DCT: variants seen among roughly 807,000 people sequenced by gnomAD.
DCT encodes the protein L-dopachrome tautomerase.
DCT carries 47 observed loss-of-function variants against 53.0 expected under a neutral mutation model. The ratio of observed to expected loss-of-function variants is 0.89; its 90% CI spans 0.70 to 1.13. The LOEUF (loss-of-function observed/expected upper bound fraction) is 1.13, where lower values mean the gene tolerates loss of function less well. Ranked by LOEUF, DCT falls within the 50% of genes most tolerant of loss-of-function variation. The pLI is 0.00. For missense variants in DCT, 669 were observed against 637.4 expected (o/e 1.05, Z -0.53); for synonymous variants, 244 against 237.0 (o/e 1.03, Z -0.27).
chr13:94,438,005 G>A lies in DCT; in HGVS notation c.*1893C>T, dbSNP rs114362159. On this transcript the variant is annotated 3_prime_UTR_variant, in exon 8 of 8. Coordinates refer to ENST00000377028, the MANE Select transcript of DCT (RefSeq NM_001922.5). Reference sequence around the variant, plus strand: ...ATACCTGACAGATAAGCTAGAGGTGGTTATTTGCTTTATGAAATTATTCGT... The same window carrying A: ...ATACCTGACAGATAAGCTAGAGGTGATTATTTGCTTTATGAAATTATTCGT... 72 of 152,266 alleles carry A rather than the reference G, an allele frequency of 4.7e-4. No homozygotes were observed. The highest frequency in any genetic ancestry group is 1.7e-3 in the African/African-American group (70 of 41,554). 9.4% of individuals were successfully genotyped at this position (152,266 alleles called of 1,614,324 possible). A position where few individuals can be genotyped will look rare whatever the true frequency, so the allele number is the denominator to read the frequency against.
the DCT span, among the ~76,000 whole-genome samples, chr13:94,516,947 C>T: frequency 1.3e-5 from 2 of 152,158 alleles, no homozygotes; most frequent in East Asian, 3.9e-4. Context: ...AAGTAATTTA[C>T]AAGATTATTC....
chr13:94,474,366 A>T (rs1196386852), intron 1 of DCT, among the ~76,000 whole-genome samples: 3 of 152,228 alleles, frequency 2.0e-5, no homozygotes, highest in African/African-American at 7.2e-5. Context: ...CGATTAGTGA[A>T]TTTACAAGGA....
At chr13:94,464,087 G>A (rs950558807) in intron 4 of DCT, among the ~76,000 whole-genome samples, 2 of 152,168 alleles carry the variant, frequency 1.3e-5, no homozygotes, top group Non-Finnish European at 1.5e-5. Flanking sequence ...GGGAAATGGC[G>A]CTTGATGGAA....
chr13:94,478,783 G>A (rs548279686), intron 1 of DCT, among the ~76,000 whole-genome samples, 178 bp downstream of exon 1: 1 of 152,224 alleles, frequency 6.6e-6, no homozygotes, highest in Admixed American at 6.5e-5. Flanking sequence ...TGTACTAGAG[G>A]GTGTGAAGAA....
chr13:94,520,529 G>A, the DCT span, among the ~76,000 whole-genome samples: 1 of 152,198 alleles, frequency 6.6e-6, no homozygotes, highest in African/African-American at 2.4e-5. Context: ...CAGATCAGTT[G>A]TGGCTTTTGT....
chr13:94,494,452 C>A, the DCT span, among the ~76,000 whole-genome samples: 1 of 152,104 alleles, frequency 6.6e-6, no homozygotes, highest in Non-Finnish European at 1.5e-5. Flanking sequence ...AGGCAGGGAA[C>A]GCCTAATTGG....
intron 1 of DCT, among the ~76,000 whole-genome samples, chr13:94,470,501 G>A (rs970743179): frequency 6.6e-6 from 1 of 152,126 alleles, no homozygotes; most frequent in African/African-American, 2.4e-5. Flanking sequence ...AGGTTAGAGG[G>A]TAAAATTTAA....
chr13:94,473,842 A>G (rs1884907698), intron 1 of DCT, among the ~76,000 whole-genome samples: 1 of 152,220 alleles, frequency 6.6e-6, no homozygotes, highest in South Asian at 2.1e-4. Flanking sequence ...TCAATTAAAA[A>G]ATTCCTTTTC....
At chr13:94,536,427 T>G in the DCT span, among the ~76,000 whole-genome samples, 1 of 152,186 alleles carries the variant, frequency 6.6e-6, no homozygotes, top group Non-Finnish European at 1.5e-5. Context: ...CATGTTTAAA[T>G]GTGATCCCCA....
chr13:94,476,537 G>A lies in DCT; in HGVS notation c.295+2424C>T, dbSNP rs531955659. 2.1e-4 allele frequency among the ~76,000 whole-genome samples: 31 copies of A among 147,138 alleles called. No homozygotes were observed. In the East Asian group the frequency reaches 4.2e-3, roughly 20 times the overall value. On this transcript the variant is annotated intron_variant, in intron 1 of 7. Transcript: ENST00000377028. ...TGTTGCCCAGGCTGCGTGCAGTGGC[G>A]CGATTTCAGCTCACTGCAACCTCCA...
chr13:94,497,052 C>T, the DCT span, among the ~76,000 whole-genome samples: 3 of 152,218 alleles, frequency 2.0e-5, no homozygotes. Context: ...CTTGACTGGG[C>T]ACCCAGACAT....
chr13:94,469,404 G>C (rs962160176), intron 1 of DCT, among the ~76,000 whole-genome samples: 2 of 152,136 alleles, frequency 1.3e-5, no homozygotes, highest in Non-Finnish European at 2.9e-5. Flanking sequence ...AATTAGAGTA[G>C]GCCCTAATCC....
chr13:94,516,317 G>A, the DCT span, among the ~76,000 whole-genome samples: 1 of 152,094 alleles, frequency 6.6e-6, no homozygotes, highest in Non-Finnish European at 1.5e-5. Context: ...AATCAGGTAG[G>A]CTATTTTCTA....
At chr13:94,517,073 C>G in the DCT span, among the ~76,000 whole-genome samples, 6 of 152,188 alleles carry the variant, frequency 3.9e-5, no homozygotes, top group African/African-American at 1.2e-4. Flanking sequence ...CTAAAATTTC[C>G]CCCCAAATAT....
At chr13:94,504,210 C>G in the DCT span, among the ~76,000 whole-genome samples, 26 of 152,332 alleles carry the variant, frequency 1.7e-4, no homozygotes, top group East Asian at 3.9e-3. Flanking sequence ...CAAATTTACA[C>G]TAATTTTCAA....
chr13:94,453,143 T>C (rs1371897018), intron 6 of DCT, among the ~76,000 whole-genome samples: 1 of 152,098 alleles, frequency 6.6e-6, no homozygotes, highest in Non-Finnish European at 1.5e-5. Context: ...TTATAAGTAA[T>C]CTAGACATGA....
At chr13:94,464,336 G>GT (rs1884017616) in intron 4 of DCT, among the ~76,000 whole-genome samples, 2 of 152,192 alleles carry the variant, frequency 1.3e-5, no homozygotes, top group Non-Finnish European at 2.9e-5. Context: ...GAGCAGTGGG[G>GT]TTAAAAACAT....
the DCT span, among the ~76,000 whole-genome samples, chr13:94,494,851 C>A: frequency 1.3e-5 from 2 of 152,188 alleles, no homozygotes; most frequent in Non-Finnish European, 2.9e-5. Context: ...TTCCATTTAA[C>A]AATATGTTAT....
intron 2 of DCT, 167 bp downstream of exon 2, chr13:94,468,579 T>C: frequency 3.1e-6 from 2 of 651,904 alleles, no homozygotes; most frequent in Non-Finnish European, 5.4e-6. Context: ...AGAAACTGCT[T>C]CCTTCTAACT....
Sources: allele counts gnomAD v4.1 joint callset (sites outside exome capture counted in the v4.1 genomes callset), GRCh38; gene constraint gnomAD v4.1.1; transcripts MANE v1.5; gene names NCBI Gene and HGNC (gene_info 2026-07-23, HGNC 2026-07-21).